Variants in GRM7 observed in about 807,000 individuals in gnomAD.
The protein encoded by GRM7 is metabotropic glutamate receptor 7.
In GRM7, 35 loss-of-function variants were observed where a neutral mutation model predicts 84.5. The ratio of observed to expected loss-of-function variants is 0.41; its 90% CI spans 0.32 to 0.55. The LOEUF is 0.55. Among genes scored for constraint, GRM7 ranks in the 20% least tolerant of loss-of-function variants. GRM7 has a pLI of 0.19. For missense variants in GRM7, 1,003 were observed against 1,194.6 expected, an observed-to-expected ratio of 0.84 and a Z score of 2.36; for synonymous variants, 487 against 455.1, an observed-to-expected ratio of 1.07 and a Z score of -0.89.
chr3:7,468,242 A>C (rs1195677489), intron 7 of GRM7, among the ~76,000 whole-genome samples: 1 of 152,236 alleles, frequency 6.6e-6, no homozygotes, highest in Non-Finnish European at 1.5e-5. Flanking sequence ...TAAGGTGTCA[A>C]AATCTAGTAC....
At chr3:7,032,148 A>G (rs1696212418) in intron 1 of GRM7, among the ~76,000 whole-genome samples, 1 of 152,202 alleles carries the variant, frequency 6.6e-6, no homozygotes. Flanking sequence ...TTGTGGAACA[A>G]CATGCTCTTA....
chr3:7,083,844 A>T (rs1698353346), intron 1 of GRM7, among the ~76,000 whole-genome samples: 1 of 152,120 alleles, frequency 6.6e-6, no homozygotes, highest in Non-Finnish European at 1.5e-5. Context: ...GAGCATGCTG[A>T]GGTAATGCAT....
chr3:7,176,268 G>C (rs1695146653), intron 2 of GRM7, among the ~76,000 whole-genome samples: 1 of 144,690 alleles, frequency 6.9e-6, no homozygotes, highest in Admixed American at 6.8e-5. Context: ...AAAAATAGCT[G>C]GGTGTGGTGG....
At chr3:7,060,368 T>A (rs4461408) in intron 1 of GRM7, among the ~76,000 whole-genome samples, 36,449 of 151,684 alleles carry the variant, frequency 0.24, 4,769 homozygotes, top group African/African-American at 0.34. Context: ...GGGCTATATG[T>A]CTAGTTTTCA....
chr3:6,880,803 G>T (rs1409238128), intron 1 of GRM7, among the ~76,000 whole-genome samples: 1 of 152,094 alleles, frequency 6.6e-6, no homozygotes, highest in Admixed American at 6.6e-5. Flanking sequence ...GATGGCTATG[G>T]TTTCTCCAGA....
chr3:7,402,431 G>A (rs1239921038), intron 4 of GRM7, among the ~76,000 whole-genome samples: 1 of 152,126 alleles, frequency 6.6e-6, no homozygotes, highest in Non-Finnish European at 1.5e-5. Context: ...AGTAACTCAG[G>A]TGGTGAGAGA....
At position 7,539,674 on chromosome 3, in the gene GRM7, CAAA is replaced by C. The variant is rs57039269; in HGVS notation, c.1516-38728_1516-38726del. On this transcript the variant is annotated intron_variant, in intron 7 of 9. Transcript: ENST00000357716. ...TGGGCGACAGAGCAAGACTCTGTCT[CAAA>C]AAAAAAAAAAAAAAAAAAAGTCTCT... Among the ~76,000 whole-genome samples the C allele has an allele frequency of 3.9e-3, 340 of 87,092 alleles. 1 individual carries two copies. Among genetic ancestry groups the C allele is most frequent in the African/African-American group, 0.011 (252 of 21,994 alleles). 57.1% of individuals were successfully genotyped at this position (87,092 alleles called of 152,430 possible).
intron 2 of GRM7, among the ~76,000 whole-genome samples, chr3:7,186,877 A>G (rs1695533421): frequency 6.6e-6 from 1 of 152,162 alleles, no homozygotes. Context: ...ATTTTTGTCT[A>G]TTAACTCCAA....
intron 7 of GRM7, among the ~76,000 whole-genome samples, chr3:7,494,401 A>G (rs528168857): frequency 3.3e-5 from 5 of 152,148 alleles, no homozygotes; most frequent in Non-Finnish European, 7.4e-5. Context: ...TTCCTTTATT[A>G]GTTTTCAGAA....
chr3:6,956,412 C>T (rs570723944), intron 1 of GRM7, among the ~76,000 whole-genome samples: 6 of 152,312 alleles, frequency 3.9e-5, no homozygotes, highest in African/African-American at 1.4e-4. Context: ...TACAGAGAAG[C>T]CCTGCTCCTC....
chr3:7,078,611 C>G (rs543333326), intron 1 of GRM7, among the ~76,000 whole-genome samples: 107 of 152,134 alleles, frequency 7.0e-4, no homozygotes, highest in Admixed American at 4.9e-3. Flanking sequence ...AAATTAAAAC[C>G]AAACCAAGTC....
intron 8 of GRM7, among the ~76,000 whole-genome samples, chr3:7,654,189 C>T (rs897598127): frequency 6.6e-6 from 1 of 152,116 alleles, no homozygotes; most frequent in Non-Finnish European, 1.5e-5. Context: ...TGAAAAAGAC[C>T]TTTGCGCAAG....
At chr3:7,498,863 TG>T in intron 7 of GRM7, among the ~76,000 whole-genome samples, 1 of 152,346 alleles carries the variant, frequency 6.6e-6, no homozygotes, top group East Asian at 1.9e-4. Flanking sequence ...CTCCACTTTC[TG>T]TTGTCCTTGG....
intron 1 of GRM7, among the ~76,000 whole-genome samples, chr3:7,091,906 A>C (rs1282809491): frequency 1.3e-5 from 2 of 151,564 alleles, no homozygotes; most frequent in Non-Finnish European, 2.9e-5. Flanking sequence ...CAATGATCAC[A>C]CTGTAAGGAA....
At chr3:7,254,139 G>C (rs1238095007) in intron 2 of GRM7, among the ~76,000 whole-genome samples, 1 of 152,182 alleles carries the variant, frequency 6.6e-6, no homozygotes, top group Admixed American at 6.5e-5. Context: ...GCAAGGTCAT[G>C]TCAGAAGCAG....
intron 1 of GRM7, among the ~76,000 whole-genome samples, chr3:7,000,262 C>T (rs138318924): frequency 6.6e-6 from 1 of 151,512 alleles, no homozygotes; most frequent in African/African-American, 2.4e-5. Context: ...ACTTCTGACT[C>T]CCAGGTTCAA....
At chr3:7,215,172 A>C (rs1368127105) in intron 2 of GRM7, among the ~76,000 whole-genome samples, 1 of 152,180 alleles carries the variant, frequency 6.6e-6, no homozygotes, top group Non-Finnish European at 1.5e-5. Flanking sequence ...TGAAACTCTG[A>C]TTTAGAAAAT....
chr3:7,277,315 C>A (rs1186977307), intron 2 of GRM7, among the ~76,000 whole-genome samples: 1 of 151,388 alleles, frequency 6.6e-6, no homozygotes, highest in African/African-American at 2.4e-5. Flanking sequence ...TTTTTTTTAA[C>A]CAAGTAAGAC....
chr3:6,884,038 T>A (rs1359790511), intron 1 of GRM7, among the ~76,000 whole-genome samples: 2 of 152,240 alleles, frequency 1.3e-5, no homozygotes, highest in East Asian at 3.8e-4. Flanking sequence ...ATCAGTGAGA[T>A]GACATTTAGT....
Sources: allele counts gnomAD v4.1 joint callset (sites outside exome capture counted in the v4.1 genomes callset), GRCh38; gene constraint gnomAD v4.1.1; transcripts MANE v1.5; gene names NCBI Gene and HGNC (gene_info 2026-07-23, HGNC 2026-07-21).